RNF170: variants seen among roughly 807,000 people sequenced by gnomAD.
The protein encoded by RNF170 is E3 ubiquitin-protein ligase RNF170.
A neutral mutation model predicts 32.7 loss-of-function variants in RNF170; 12 were observed. The ratio of observed to expected loss-of-function variants is 0.37; its 90% confidence interval spans 0.24 to 0.60. The LOEUF (loss-of-function observed/expected upper bound fraction) is 0.60, where lower values mean the gene tolerates loss of function less well. Ranked by LOEUF, RNF170 falls within the 20% of genes least tolerant of loss-of-function variation. The pLI is 0.72. For missense variants in RNF170, 212 were observed against 311.2 expected, an observed-to-expected ratio of 0.68 and a Z score of 2.40; for synonymous variants, 91 against 103.6, an observed-to-expected ratio of 0.88 and a Z score of 0.74.
intron 2 of RNF170, among the ~76,000 whole-genome samples, chr8:42,884,033 A>T (rs1302776508): frequency 3.3e-5 from 5 of 152,138 alleles, no homozygotes; most frequent in African/African-American, 9.7e-5. Flanking sequence ...CCACTGTTCC[A>T]GTGGCCCCAG....
intron 1 of RNF170, among the ~76,000 whole-genome samples, chr8:42,891,729 C>G (rs539336902): frequency 6.6e-6 from 1 of 152,094 alleles, no homozygotes; most frequent in Non-Finnish European, 1.5e-5. Flanking sequence ...CGATTTTGAC[C>G]TTTTAAATTA....
chr8:42,849,838 G>A (rs1246994662), downstream of RNF170: 1 of 152,224 alleles, frequency 6.6e-6, no homozygotes, highest in East Asian at 1.9e-4. Context: ...TGCACGCATA[G>A]TTCTGGGGGC....
chr8:42,855,142 T>G lies in RNF170; in HGVS notation c.*1017A>C. 1 of 1,287,202 alleles carries G rather than the reference T, an allele frequency of 7.8e-7. No individual in the cohort carries two copies. The highest frequency in any genetic ancestry group is 1.0e-6 in the Non-Finnish European group (1 of 988,684). 79.7% of individuals were successfully genotyped at this position (1,287,202 alleles called of 1,614,324 possible). On this transcript the variant is annotated 3_prime_UTR_variant, in exon 7 of 7. Coordinates refer to ENST00000527424, the MANE Select transcript of RNF170 (RefSeq NM_030954.4). ...AACAATCTTCCCTTTACAAATTACT[T>G]TTATATCTACTACGAAAGGATGAGC...
chr8:42,879,477 CCT>C (rs1251855596), intron 2 of RNF170, among the ~76,000 whole-genome samples: 1 of 151,920 alleles, frequency 6.6e-6, no homozygotes, highest in Non-Finnish European at 1.5e-5. Context: ...ACAGTGAAAC[CCT>C]GTCTCTACTA....
chr8:42,854,295 C>G lies in RNF170; in HGVS notation c.*1864G>C, dbSNP rs779180795. On this transcript the variant is annotated 3_prime_UTR_variant, in exon 7 of 7. Coordinates refer to ENST00000527424, the MANE Select transcript of RNF170 (RefSeq NM_030954.4). ...TTGCTGTTCCTCTTAACAACTTTCA[C>G]GTCTATCTAAACATTCTATGCAGGA... 1.6e-6 allele frequency: 2 copies of G among 1,287,210 alleles called. No individual in the cohort carries two copies. The highest frequency in any genetic ancestry group is 2.5e-5 in the South Asian group (2 of 80,938). 79.7% of individuals were successfully genotyped at this position (1,287,210 alleles called of 1,614,324 possible).
At chr8:42,868,689 C>T (rs1401470915) in intron 4 of RNF170, among the ~76,000 whole-genome samples, 6 of 151,676 alleles carry the variant, frequency 4.0e-5, no homozygotes, top group Non-Finnish European at 8.8e-5. Context: ...CCCATCTCTA[C>T]AAAAATACAA....
chr8:42,894,889 GGT>G (rs1480976281), intron 1 of RNF170, among the ~76,000 whole-genome samples: 1 of 151,930 alleles, frequency 6.6e-6, no homozygotes, highest in Non-Finnish European at 1.5e-5. Flanking sequence ...CTCTGCCCTT[GGT>G]GTAGGGAAGA....
At chr8:42,890,499 G>A (rs1298301232) in intron 1 of RNF170, among the ~76,000 whole-genome samples, 1 of 151,872 alleles carries the variant, frequency 6.6e-6, no homozygotes, top group African/African-American at 2.4e-5. Context: ...GGATGGTCTT[G>A]ATCTCCTGAC....
At chr8:42,872,207 T>C (rs764330805) in intron 3 of RNF170, among the ~76,000 whole-genome samples, 1 of 152,092 alleles carries the variant, frequency 6.6e-6, no homozygotes, top group African/African-American at 2.4e-5. Flanking sequence ...ACCTGGAAGA[T>C]TCTCCTCAAT....
At position 42,876,805 on chromosome 8, in the gene RNF170, G is replaced by GCA. The variant is rs574855446; in HGVS notation, c.138-2801_138-2800dup. ...CTCCCAAGTAGCTGGGACTATAGCT[G>GCA]CACGCCACCACACCCTAATTTTTGT... On this transcript the variant is annotated intron_variant, in intron 2 of 6. Coordinates refer to ENST00000527424, the MANE Select transcript of RNF170 (RefSeq NM_030954.4). Among the ~76,000 whole-genome samples, 84 of 151,702 alleles carry GCA rather than the reference G, an allele frequency of 5.5e-4. 1 individual carries two copies. The East Asian group carries it at 0.016, about 28-fold the overall frequency.
intron 1 of RNF170, among the ~76,000 whole-genome samples, chr8:42,892,694 A>C (rs1368304489): frequency 1.3e-5 from 2 of 148,262 alleles, no homozygotes; most frequent in Non-Finnish European, 3.0e-5. Flanking sequence ...TTTTTTTTAA[A>C]CCCTAGATTC....
At chr8:42,890,065 T>C (rs1268863152) in intron 1 of RNF170, among the ~76,000 whole-genome samples, 1 of 152,166 alleles carries the variant, frequency 6.6e-6, no homozygotes, top group Non-Finnish European at 1.5e-5. Flanking sequence ...AACAAATGCA[T>C]TGTAATTATT....
upstream of RNF170, chr8:42,897,251 A>G: frequency 2.7e-6 from 3 of 1,119,060 alleles, no homozygotes; most frequent in Non-Finnish European, 2.3e-6. Flanking sequence ...GGGACCCTCC[A>G]CGCGCGGCCC....
At chr8:42,872,906 T>C (rs1383964075) in intron 3 of RNF170, among the ~76,000 whole-genome samples, 1 of 152,122 alleles carries the variant, frequency 6.6e-6, no homozygotes, top group Non-Finnish European at 1.5e-5. Context: ...TTATTGGGGC[T>C]AGGCATGGTG....
At chr8:42,873,389 G>A (rs1253825315) in intron 3 of RNF170, among the ~76,000 whole-genome samples, 2 of 152,172 alleles carry the variant, frequency 1.3e-5, no homozygotes, top group Non-Finnish European at 2.9e-5. Context: ...TAGCCTGAAG[G>A]TGTACAATAT....
downstream of RNF170, chr8:42,851,094 A>C: frequency 6.6e-7 from 1 of 1,504,954 alleles, no homozygotes; most frequent in African/African-American, 1.4e-5. Flanking sequence ...CTGCTTCTTC[A>C]ACCTCACTTC....
intron 1 of RNF170, among the ~76,000 whole-genome samples, chr8:42,888,240 T>C (rs1208943211): frequency 6.6e-6 from 1 of 151,770 alleles, no homozygotes; most frequent in East Asian, 2.0e-4. Context: ...TAATTTTTTG[T>C]ATTTTAGTAG....
intron 2 of RNF170, among the ~76,000 whole-genome samples, chr8:42,885,325 C>G (rs918890746): frequency 6.6e-6 from 1 of 152,156 alleles, no homozygotes; most frequent in South Asian, 2.1e-4. Context: ...TAACTTGATT[C>G]CATATTTCAG....
At chr8:42,862,560 C>T (rs1803739907) in intron 5 of RNF170, among the ~76,000 whole-genome samples, 2 of 152,110 alleles carry the variant, frequency 1.3e-5, no homozygotes, top group Non-Finnish European at 2.9e-5. Flanking sequence ...TGTATGATGA[C>T]ATAAAAACGG....
Sources: gnomAD v4.1 joint callset for allele counts (sites outside exome capture counted in the v4.1 genomes callset) on GRCh38, gnomAD v4.1.1 for gene constraint, MANE v1.5 for transcripts, NCBI Gene and HGNC (gene_info 2026-07-23, HGNC 2026-07-21) for gene names.